The following IQCJ variants were observed in gnomAD, a reference collection of about 807,000 sequenced individuals.
The protein encoded by IQCJ is IQ motif containing J, also known as IQ domain-containing protein J.
IQCJ carries 9 observed loss-of-function variants against 11.0 expected under a neutral mutation model. The ratio of observed to expected loss-of-function variants is 0.82; its 90% CI spans 0.49 to 1.43. IQCJ has a LOEUF of 1.43. Among genes scored for constraint, IQCJ ranks in the 40% most tolerant of loss-of-function variants. The probability of loss-of-function intolerance (pLI) is 0.00; values close to 1 mark genes in which losing one functional copy is unlikely to be tolerated. For missense variants in IQCJ, 146 were observed against 133.2 expected (o/e 1.10, Z -0.47); for synonymous variants, 55 against 51.3 (o/e 1.07, Z -0.31).
chr3:159,160,722 C>T (rs1721799306), intron 1 of IQCJ, among the ~76,000 whole-genome samples: 1 of 141,938 alleles, frequency 7.0e-6, no homozygotes, highest in Non-Finnish European at 1.5e-5. Context: ...GTGATGTTCC[C>T]CTTCCTGTGT....
At chr3:159,094,576 C>G (rs1395054092) in intron 1 of IQCJ, among the ~76,000 whole-genome samples, 1 of 151,556 alleles carries the variant, frequency 6.6e-6, no homozygotes, top group Non-Finnish European at 1.5e-5. Context: ...TCAATGTTGT[C>G]TTTCTTTGTA....
chr3:159,121,373 A>G (rs2108141540), intron 1 of IQCJ, among the ~76,000 whole-genome samples: 1 of 152,216 alleles, frequency 6.6e-6, no homozygotes, highest in South Asian at 2.1e-4. Context: ...AGGCTCAAGC[A>G]ATTTCCCACC....
Position 159,072,999 on chromosome 3 carries a change from G to C in IQCJ, c.9+3558G>C, listed in dbSNP as rs558148404. ...TTCTGAGACAGAATTAGTAGTGCAA[G>C]TGGTTTATTTGAGAGTAAAGACAAA... On this transcript the variant is annotated intron_variant, in intron 1 of 3. Coordinates refer to ENST00000397832, the MANE Select transcript of IQCJ (RefSeq NM_001042706.3). Among the ~76,000 whole-genome samples the C allele has an allele frequency of 2.6e-5, 4 of 152,264 alleles. No homozygotes were observed. In the East Asian group the frequency reaches 7.7e-4, roughly 29 times the overall value.
chr3:159,091,370 A>G (rs551058482), intron 1 of IQCJ, among the ~76,000 whole-genome samples: 11 of 151,672 alleles, frequency 7.3e-5, no homozygotes, highest in African/African-American at 2.0e-4. Flanking sequence ...TAGGTTGCCT[A>G]TTGCTGACTT....
At chr3:159,201,627 CTTT>C (rs71144478) in intron 1 of IQCJ, among the ~76,000 whole-genome samples, 2 of 70,314 alleles carry the variant, frequency 2.8e-5, no homozygotes, top group Non-Finnish European at 5.2e-5. Flanking sequence ...GATAATGATT[CTTT>C]TTTTTTTTTT....
chr3:159,151,698 C>T (rs1314813894), intron 1 of IQCJ, among the ~76,000 whole-genome samples: 2 of 152,198 alleles, frequency 1.3e-5, no homozygotes, highest in African/African-American at 4.8e-5. Flanking sequence ...TGCAGTGGCG[C>T]TATATTGGTT....
chr3:159,207,125 G>T (rs1348721300), intron 1 of IQCJ, among the ~76,000 whole-genome samples: 1 of 152,094 alleles, frequency 6.6e-6, no homozygotes, highest in Non-Finnish European at 1.5e-5. Flanking sequence ...CTGAAACCTA[G>T]AATTACTATA....
intron 1 of IQCJ, among the ~76,000 whole-genome samples, chr3:159,130,852 GT>G (rs1452312557): frequency 6.6e-6 from 1 of 152,014 alleles, no homozygotes; most frequent in African/African-American, 2.4e-5. Flanking sequence ...TAGAAATATA[GT>G]TTTTTTGTTT....
intron 1 of IQCJ, among the ~76,000 whole-genome samples, chr3:159,094,879 C>G (rs1347061608): frequency 6.6e-6 from 1 of 151,796 alleles, no homozygotes; most frequent in Non-Finnish European, 1.5e-5. Flanking sequence ...TGATATTTAT[C>G]TAATATGTAC....
chr3:159,089,122 C>T lies in IQCJ; in HGVS notation c.9+19681C>T, dbSNP rs555447389. Among the ~76,000 whole-genome samples the T allele has an allele frequency of 4.5e-3, 690 of 151,898 alleles. 6 individuals carry two copies. Among genetic ancestry groups the T allele is most frequent in the African/African-American group, 0.014 (596 of 41,426 alleles). On this transcript the variant is annotated intron_variant, in intron 1 of 3. Coordinates refer to ENST00000397832, the MANE Select transcript of IQCJ (RefSeq NM_001042706.3). ...TCTTTTAGGGCAGGCCTGGTGGTGA[C>T]GAAATCTCTCAGCATTTGCTTGTCT...
intron 1 of IQCJ, among the ~76,000 whole-genome samples, chr3:159,224,728 C>G (rs1725743912): frequency 1.4e-5 from 2 of 140,610 alleles, no homozygotes; most frequent in South Asian, 4.5e-4. Context: ...TGAACTTCAC[C>G]ATGAGCATAC....
intron 3 of IQCJ, among the ~76,000 whole-genome samples, chr3:159,260,210 A>T (rs1173036946): frequency 6.6e-6 from 1 of 152,136 alleles, no homozygotes; most frequent in Non-Finnish European, 1.5e-5. Context: ...CTCTCATCTC[A>T]GTTTTGCCCA....
intron 1 of IQCJ, among the ~76,000 whole-genome samples, chr3:159,145,220 C>T (rs1189945128): frequency 6.6e-6 from 1 of 152,112 alleles, no homozygotes; most frequent in South Asian, 2.1e-4. Context: ...GATTTCCCTA[C>T]TGATGTAGAC....
At chr3:159,137,263 G>GAAA (rs60336189) in intron 1 of IQCJ, among the ~76,000 whole-genome samples, 1 of 127,096 alleles carries the variant, frequency 7.9e-6, no homozygotes, top group African/African-American at 2.8e-5. Flanking sequence ...CTCCATCTTG[G>GAAA]AAAAAAAAAA....
chr3:159,137,267 A>G lies in IQCJ; in HGVS notation c.9+67826A>G, dbSNP rs1029410276. ...ACAGAGTGAGACTCCATCTTGGAAAAAAAAAAAAAAAGAAATACAGTAAGC... is the reference window on the plus strand; with the variant it reads ...ACAGAGTGAGACTCCATCTTGGAAAGAAAAAAAAAAAGAAATACAGTAAGC... On this transcript the variant is annotated intron_variant, in intron 1 of 3. Transcript: ENST00000397832. 3.4e-5 allele frequency among the ~76,000 whole-genome samples: 5 copies of G among 145,642 alleles called. No individual in the cohort carries two copies. In the East Asian group the frequency reaches 9.6e-4, roughly 28 times the overall value.
At chr3:159,112,990 C>T (rs560446488) in intron 1 of IQCJ, among the ~76,000 whole-genome samples, 4 of 152,258 alleles carry the variant, frequency 2.6e-5, no homozygotes, top group Admixed American at 2.6e-4. Flanking sequence ...AAGAAAATTT[C>T]TCTGTAATGT....
intron 1 of IQCJ, among the ~76,000 whole-genome samples, chr3:159,080,964 T>A (rs1716266323): frequency 6.6e-6 from 1 of 152,144 alleles, no homozygotes; most frequent in African/African-American, 2.4e-5. Flanking sequence ...ATGCTGAGTC[T>A]GTTTAGAAAC....
chr3:159,111,850 A>G (rs1465899270), intron 1 of IQCJ, among the ~76,000 whole-genome samples: 1 of 152,196 alleles, frequency 6.6e-6, no homozygotes, highest in African/African-American at 2.4e-5. Context: ...TTTTAGTGTG[A>G]TGCTTGCTTA....
intron 3 of IQCJ, among the ~76,000 whole-genome samples, chr3:159,257,367 A>G (rs1242773426): frequency 6.6e-6 from 1 of 152,214 alleles, no homozygotes; most frequent in Non-Finnish European, 1.5e-5. Flanking sequence ...TCATAAAGAA[A>G]AGAGTGTTAT....
Sources: gnomAD v4.1 joint callset for allele counts (sites outside exome capture counted in the v4.1 genomes callset) on GRCh38, gnomAD v4.1.1 for gene constraint, MANE v1.5 for transcripts, NCBI Gene and HGNC (gene_info 2026-07-23, HGNC 2026-07-21) for gene names.